The following TET1 variants were observed in gnomAD, a reference collection of about 807,000 sequenced individuals.
The protein encoded by TET1 is tet methylcytosine dioxygenase 1, also known as methylcytosine dioxygenase TET1.
Under a neutral mutation model 148.7 loss-of-function variants are expected in TET1, and 13 were observed. That is an observed-to-expected ratio of 0.09 (90% CI 0.06 to 0.14). The LOEUF (loss-of-function observed/expected upper bound fraction) is 0.14, where lower values mean the gene tolerates loss of function less well. Among genes scored for constraint, TET1 ranks in the 10% least tolerant of loss-of-function variants. The pLI, the probability that TET1 is intolerant of heterozygous loss-of-function variation, is 1.00. For synonymous variants in TET1, 907 were observed against 937.2 expected, an observed-to-expected ratio of 0.97 and a Z score of 0.59; for missense variants, 2,182 against 2,553.8, an observed-to-expected ratio of 0.85 and a Z score of 3.14.
At chr10:68,564,950 G>C (rs1039059007) in intron 1 of TET1, among the ~76,000 whole-genome samples, 1 of 152,144 alleles carries the variant, frequency 6.6e-6, no homozygotes, top group Non-Finnish European at 1.5e-5. Context: ...TTGAGTCTAG[G>C]AGTTTAAGGC....
intron 3 of TET1, among the ~76,000 whole-genome samples, chr10:68,637,966 G>A (rs908450528): frequency 1.3e-5 from 2 of 152,124 alleles, no homozygotes; most frequent in African/African-American, 4.8e-5. Flanking sequence ...TTTTCGTAGA[G>A]CCAGGGTTTT....
chr10:68,596,178 T>G (rs973586450), intron 2 of TET1, among the ~76,000 whole-genome samples: 2 of 150,640 alleles, frequency 1.3e-5, no homozygotes, highest in African/African-American at 4.9e-5. Context: ...AGCTTGAGAT[T>G]ACAGGCACGT....
intron 3 of TET1, among the ~76,000 whole-genome samples, chr10:68,626,429 G>A (rs1279336601): frequency 6.6e-6 from 1 of 152,038 alleles, no homozygotes; most frequent in East Asian, 1.9e-4. Flanking sequence ...TCGAACTCCT[G>A]GCCTCAAGGG....
At chr10:68,629,824 C>T (rs2054542714) in intron 3 of TET1, among the ~76,000 whole-genome samples, 1 of 152,184 alleles carries the variant, frequency 6.6e-6, no homozygotes, top group African/African-American at 2.4e-5. Context: ...GCGTGAGCCA[C>T]TGCACCCAGC....
At chr10:68,579,902 T>C (rs1396352538) in intron 2 of TET1, among the ~76,000 whole-genome samples, 1 of 152,090 alleles carries the variant, frequency 6.6e-6, no homozygotes, top group African/African-American at 2.4e-5. Flanking sequence ...CTCTTCTTTT[T>C]TTGAGACAGA....
rs1554932889 is a variant in TET1, at chr10:68,596,027, C to CATATATATAT, written c.1915-4946_1915-4937dup. ...ACACACACACACACACACACACACA[C>CATATATATAT]ATATATATATATATATACACATTTT... On this transcript the variant is annotated intron_variant, in intron 2 of 11. Transcript: ENST00000373644. Among the ~76,000 whole-genome samples, 226 of 61,732 alleles carry CATATATATAT rather than the reference C, an allele frequency of 3.7e-3. 4 individuals are homozygous for CATATATATAT. Among genetic ancestry groups the CATATATATAT allele is most frequent in the African/African-American group, 8.1e-3 (115 of 14,200 alleles). 40.5% of individuals were successfully genotyped at this position (61,732 alleles called of 152,430 possible).
chr10:68,624,666 C>CTT (rs2054442400), intron 3 of TET1, among the ~76,000 whole-genome samples: 6 of 82,688 alleles, frequency 7.3e-5, no homozygotes, highest in African/African-American at 2.8e-4. Flanking sequence ...CTTTCTCTCT[C>CTT]TCTCTCTCTC....
intron 4 of TET1, 116 bp downstream of exon 4, chr10:68,647,121 A>T (rs2054862463): frequency 8.9e-7 from 1 of 1,117,370 alleles, no homozygotes; most frequent in Non-Finnish European, 1.3e-6. Context: ...TCTTATTCTA[A>T]CTAAGATGGA....
At chr10:68,584,033 A>G (rs966865429) in intron 2 of TET1, among the ~76,000 whole-genome samples, 3 of 152,040 alleles carry the variant, frequency 2.0e-5, no homozygotes, top group Non-Finnish European at 2.9e-5. Flanking sequence ...AATGAATAAA[A>G]TATCTTTTTT....
intron 1 of TET1, among the ~76,000 whole-genome samples, chr10:68,566,116 T>C (rs2053605193): frequency 1.3e-5 from 2 of 152,184 alleles, no homozygotes; most frequent in Admixed American, 6.5e-5. Context: ...CAGAAATCAA[T>C]TTGTAAACCA....
Position 68,572,634 on chromosome 10 carries a change from G to T in TET1, c.296G>T (p.Cys99Phe), listed in dbSNP as rs2053682839. 5 of 1,614,036 alleles carry T rather than the reference G, an allele frequency of 3.1e-6. No homozygotes were observed. The highest frequency in any genetic ancestry group is 2.7e-5 in the African/African-American group (2 of 74,918). Residue 99 changes from cysteine to phenylalanine, a missense_variant, in exon 2 of 12, where the codon TGC (cysteine) becomes TTC (phenylalanine). Cys to Phe is a radical substitution (Grantham distance 205, BLOSUM62 -2). Transcript: ENST00000373644. ...TTTCAGAACCCAGAGTCCTTAACCT[G>T]CAATGGGTTTACAATGGCGCTACGA... ...VLFQNPESLTCNGFTMALRST... is the reference protein window; with the variant it reads ...VLFQNPESLTFNGFTMALRST...
intron 2 of TET1, 83 bp downstream of exon 2, chr10:68,574,335 T>C: frequency 9.4e-7 from 1 of 1,062,138 alleles, no homozygotes; most frequent in Non-Finnish European, 1.4e-6. Context: ...GTGTCTCTAG[T>C]GTCTCTATGT....
chr10:68,577,046 C>T (rs1283222968), intron 2 of TET1, among the ~76,000 whole-genome samples: 2 of 152,098 alleles, frequency 1.3e-5, no homozygotes, highest in African/African-American at 4.8e-5. Context: ...GTAGCTGTGA[C>T]TACAGGTGCC....
At chr10:68,669,722 T>C (rs2055247381) in intron 7 of TET1, among the ~76,000 whole-genome samples, 3 of 151,444 alleles carry the variant, frequency 2.0e-5, no homozygotes, top group African/African-American at 7.3e-5. Context: ...CAATCTTGGC[T>C]CACTGCAACC....
At chr10:68,667,299 A>G (rs2133177356) in intron 7 of TET1, 43 bp downstream of exon 7, 2 of 1,504,196 alleles carry the variant, frequency 1.3e-6, no homozygotes, top group Non-Finnish European at 1.8e-6. Context: ...TCAGATCTCT[A>G]TTACATATTG....
chr10:68,624,644 C>CTTTCTTTCTT (rs1564974892), intron 3 of TET1, among the ~76,000 whole-genome samples: 4 of 51,448 alleles, frequency 7.8e-5, no homozygotes, highest in African/African-American at 5.1e-4. Context: ...TTCTTTCTTT[C>CTTTCTTTCTT]TTTCTTTCTT....
intron 2 of TET1, among the ~76,000 whole-genome samples, chr10:68,594,924 A>G (rs933508657): frequency 6.6e-6 from 1 of 150,818 alleles, no homozygotes; most frequent in Non-Finnish European, 1.5e-5. Context: ...GGTTGCAGTG[A>G]GCAGAGATCT....
intron 9 of TET1, among the ~76,000 whole-genome samples, chr10:68,682,558 G>A (rs1261686225): frequency 6.6e-6 from 1 of 152,142 alleles, no homozygotes; most frequent in African/African-American, 2.4e-5. Flanking sequence ...TGGAATGATT[G>A]AGTCTATTTT....
At chr10:68,590,295 G>GCTTGTT (rs1786823187) in intron 2 of TET1, among the ~76,000 whole-genome samples, 1 of 151,418 alleles carries the variant, frequency 6.6e-6, no homozygotes, top group Non-Finnish European at 1.5e-5. Context: ...TTGTTTGTTT[G>GCTTGTT]TTTGTTTTTG....
Sources: gnomAD v4.1 joint callset for allele counts (sites outside exome capture counted in the v4.1 genomes callset) on GRCh38, gnomAD v4.1.1 for gene constraint, MANE v1.5 for transcripts, NCBI Gene and HGNC (gene_info 2026-07-23, HGNC 2026-07-21) for gene names.